The following VPS26C variants were observed in gnomAD, a reference collection of about 807,000 sequenced individuals.
The protein encoded by VPS26C is vacuolar protein sorting-associated protein 26C.
In VPS26C, 19 loss-of-function variants were observed where a neutral mutation model predicts 30.6. That is an observed-to-expected ratio of 0.62 (90% CI 0.43 to 0.91). The LOEUF is 0.91. Ranked by LOEUF, VPS26C falls within the 40% of genes least tolerant of loss-of-function variation. The pLI is 0.00. For synonymous variants in VPS26C, 132 were observed against 151.5 expected, an observed-to-expected ratio of 0.87 and a Z score of 0.95; for missense variants, 318 against 385.1, an observed-to-expected ratio of 0.83 and a Z score of 1.46.
At chr21:37,249,394 A>G (rs1043730090) in intron 1 of VPS26C, among the ~76,000 whole-genome samples, 1 of 152,242 alleles carries the variant, frequency 6.6e-6, no homozygotes, top group Admixed American at 6.5e-5. Flanking sequence ...AGAGAACCCA[A>G]TAGGTATCAC....
intron 3 of VPS26C, among the ~76,000 whole-genome samples, chr21:37,235,841 ATATGTG>A (rs2086014869): frequency 8.5e-6 from 1 of 118,146 alleles, no homozygotes. Flanking sequence ...ATATGTGTGT[ATATGTG>A]TGTGTATATA....
intron 5 of VPS26C, chr21:37,229,261 C>G (rs1005128866): frequency 1.3e-5 from 2 of 152,874 alleles, no homozygotes; most frequent in Non-Finnish European, 2.9e-5. Flanking sequence ...TCTTGGGTCA[C>G]ACATAAAATA....
rs147718105 is a variant in VPS26C, at chr21:37,232,471, C to T, written c.433-20G>A. ...CTGAGGCTAAAACGAGAGGTGAAAC[C>T]GAAATCAGTAGGTGAAGGCCAAGAG... On this transcript the variant is annotated intron_variant, in intron 4 of 7. Transcript: ENST00000309117. 2.1e-3 allele frequency: 3,298 copies of T among 1,607,144 alleles called. 48 individuals carry two copies. In the African/African-American group the frequency reaches 0.039, roughly 19 times the overall value.
At chr21:37,252,695 T>G (rs1278296374) in intron 1 of VPS26C, among the ~76,000 whole-genome samples, 5 of 152,238 alleles carry the variant, frequency 3.3e-5, no homozygotes, top group African/African-American at 4.8e-5. Context: ...TACAGGTGAA[T>G]AGATGAACAA....
intron 5 of VPS26C, among the ~76,000 whole-genome samples, chr21:37,231,158 T>C (rs1410501783): frequency 1.3e-5 from 2 of 152,102 alleles, no homozygotes; most frequent in East Asian, 1.9e-4. Flanking sequence ...CATTTGTAAA[T>C]GTAAACTGAC....
At chr21:37,232,025 AG>A in intron 5 of VPS26C, 1 of 259,194 alleles carries the variant, frequency 3.9e-6, no homozygotes, top group Non-Finnish European at 7.4e-6. Flanking sequence ...ACAACAGGCC[AG>A]GGGGCCGGGC....
At chr21:37,267,690 C>T (rs142564131), upstream of VPS26C, 540 of 282,014 alleles carry the variant, frequency 1.9e-3, 7 homozygotes, top group Middle Eastern at 0.034. Flanking sequence ...CCGAGCCTGT[C>T]TGTCGGTTGC....
chr21:37,227,565 G>C, intron 7 of VPS26C, 89 bp downstream of exon 7: 3 of 1,473,770 alleles, frequency 2.0e-6, no homozygotes, highest in Non-Finnish European at 2.8e-6. Flanking sequence ...AAGGGCGGCA[G>C]GTTCTGAGCT....
chr21:37,247,506 A>C (rs2086149184), intron 1 of VPS26C, among the ~76,000 whole-genome samples: 1 of 152,202 alleles, frequency 6.6e-6, no homozygotes, highest in Non-Finnish European at 1.5e-5. Flanking sequence ...CATACAAACA[A>C]CTAAAGCAAA....
At chr21:37,239,812 G>A (rs1389393440) in intron 2 of VPS26C, among the ~76,000 whole-genome samples, 1 of 152,104 alleles carries the variant, frequency 6.6e-6, no homozygotes, top group Non-Finnish European at 1.5e-5. Flanking sequence ...TAGCCAGGCT[G>A]GTCTCGAACT....
chr21:37,248,713 TAAA>T (rs558050794), intron 1 of VPS26C, among the ~76,000 whole-genome samples: 1 of 98,104 alleles, frequency 1.0e-5, no homozygotes, highest in African/African-American at 3.6e-5. Context: ...GCAACGAACT[TAAA>T]AAAAAAAAAA....
rs2085992537 is a variant in VPS26C, at chr21:37,233,854, G to A, written c.352-412C>T. Reference sequence around the variant, plus strand: ...GATAACACAACTTGTCTGAGCTTCTGCTTCCCTTCTGTAGAATGGGGCTCT... The same window carrying A: ...GATAACACAACTTGTCTGAGCTTCTACTTCCCTTCTGTAGAATGGGGCTCT... On this transcript the variant is annotated intron_variant, in intron 3 of 7. Coordinates refer to ENST00000309117, the MANE Select transcript of VPS26C (RefSeq NM_006052.2). This position sits in a 1 kb window ranked among gnomAD's most constrained non-coding sequence, Gnocchi z 5.2. Among the ~76,000 whole-genome samples, 1 of 152,202 alleles carries A rather than the reference G, an allele frequency of 6.6e-6. No individual in the cohort carries two copies. The highest frequency in any genetic ancestry group is 1.5e-5 in the Non-Finnish European group (1 of 68,038).
rs888844263 is a variant in VPS26C at position 37,223,784 on chromosome 21, T to C, written c.*1760A>G. On this transcript the variant is annotated 3_prime_UTR_variant, in exon 8 of 8. Coordinates refer to ENST00000309117, the MANE Select transcript of VPS26C (RefSeq NM_006052.2). ...CCCTTGGCATTATGTCACCAAACAC[T>C]GTTTCAGGATACTGGAAGTACATAC... 8 of 152,262 alleles carry C rather than the reference T, an allele frequency of 5.3e-5. No individual in the cohort carries two copies. Among genetic ancestry groups the C allele is most frequent in the African/African-American group, 1.9e-4 (8 of 41,468 alleles). 9.4% of individuals were successfully genotyped at this position (152,262 alleles called of 1,614,324 possible). A position where few individuals can be genotyped will look rare whatever the true frequency, so the allele number is the denominator to read the frequency against.
At chr21:37,251,534 C>T (rs1209924119) in intron 1 of VPS26C, among the ~76,000 whole-genome samples, 1 of 152,068 alleles carries the variant, frequency 6.6e-6, no homozygotes, top group African/African-American at 2.4e-5. Flanking sequence ...AGAAAAAGCA[C>T]ATTTGTACAT....
At chr21:37,249,929 G>C (rs1743637768) in intron 1 of VPS26C, among the ~76,000 whole-genome samples, 1 of 152,132 alleles carries the variant, frequency 6.6e-6, no homozygotes, top group South Asian at 2.1e-4. Flanking sequence ...GTTTGATAAA[G>C]GTAGCATTTA....
At position 37,238,486 on chromosome 21, in the gene VPS26C, A is replaced by T. The variant is rs2086048085; in HGVS notation, c.325T>A (p.Tyr109Asn). The T allele has an allele frequency of 6.2e-7, 1 of 1,614,028 alleles. No individual in the cohort carries two copies. Among genetic ancestry groups the T allele is most frequent in the Non-Finnish European group, 8.5e-7 (1 of 1,180,028 alleles). Residue 109 changes from tyrosine (Y) to asparagine (N), a missense_variant, in exon 3 of 8, where the codon TAT (tyrosine) becomes AAT (asparagine). Transcript: ENST00000309117. ...LKGNKVLYET[Y>N]HGVFVNIQYT... ...TGAATGTTGACAAACACGCCATGAT[A>T]CGTCTCATACAGAACTTTGTTACCC...
At position 37,238,527 on chromosome 21, in the gene VPS26C, A is replaced by C; in HGVS notation, c.284T>G (p.Phe95Cys). The change falls in exon 3 of 8, where the codon TTT (phenylalanine) becomes TGT (cysteine). Residue 95 changes from phenylalanine to cysteine, a missense_variant. Coordinates refer to ENST00000309117, the MANE Select transcript of VPS26C (RefSeq NM_006052.2). ...PSGKTEIPFEFPLHLKGNKVL... is the reference protein window; with the variant it reads ...PSGKTEIPFECPLHLKGNKVL... ...TTTGTTACCCTTCAAGTGCAGAGGA[A>C]ATTCAAAAGGGATTTCTGTTTTGCC... 1 of 1,614,174 alleles carries C rather than the reference A, an allele frequency of 6.2e-7. No homozygotes were observed. The highest frequency in any genetic ancestry group is 1.1e-5 in the South Asian group (1 of 91,074).
Position 37,225,352 on chromosome 21 carries a change from T to TAGAGGTGCC in VPS26C, c.*183_*191dup, listed in dbSNP as rs2085887754. 5.0e-6 allele frequency: 3 copies of TAGAGGTGCC among 602,454 alleles called. No homozygotes were observed. Among genetic ancestry groups the TAGAGGTGCC allele is most frequent in the Admixed American group, 5.6e-5 (2 of 35,956 alleles). The allele number at this position is 602,454 out of a possible 1,614,324, so 37.3% of individuals were successfully genotyped here. ...TTGAATTTCAAAGAAAAGGTCTGAT[T>TAGAGGTGCC]AGAGGTGCCTGTTGGAAGCAGAAGC... is the stretch of plus-strand genomic sequence containing the variant. On this transcript the variant is annotated 3_prime_UTR_variant, in exon 8 of 8. Transcript: ENST00000309117.
chr21:37,228,200 A>C (rs2085923267), intron 6 of VPS26C, 23 bp downstream of exon 6: 9 of 1,606,044 alleles, frequency 5.6e-6, no homozygotes, highest in Non-Finnish European at 7.6e-6. Context: ...GGCAAGCGCC[A>C]GGCCTGGTGG....
Sources: gnomAD v4.1 joint callset for allele counts (sites outside exome capture counted in the v4.1 genomes callset) on GRCh38, gnomAD v4.1.1 for gene constraint, Gnocchi (gnomAD v3.1) non-coding constraint, MANE v1.5 for transcripts, NCBI Gene and HGNC (gene_info 2026-07-23, HGNC 2026-07-21) for gene names.